The following PCDH9 variants were observed in gnomAD, a reference collection of about 807,000 sequenced individuals.
PCDH9 encodes protocadherin-9.
PCDH9 carries 24 observed loss-of-function variants against 70.6 expected under a neutral mutation model. The observed-to-expected ratio is 0.34, with a 90% confidence interval of 0.25 to 0.48. PCDH9 has a LOEUF of 0.48. Among genes scored for constraint, PCDH9 ranks in the 20% least tolerant of loss-of-function variants. The pLI is 0.99. For synonymous variants in PCDH9, 562 were observed against 558.5 expected, an observed-to-expected ratio of 1.01 and a Z score of -0.09; for missense variants, 1,281 against 1,503.6, an observed-to-expected ratio of 0.85 and a Z score of 2.45.
chr13:66,790,785 C>T (rs1330783198), intron 3 of PCDH9, among the ~76,000 whole-genome samples: 1 of 151,858 alleles, frequency 6.6e-6, no homozygotes, highest in Non-Finnish European at 1.5e-5. Flanking sequence ...GTTGGAAATC[C>T]TTAGCCATAT....
intron 4 of PCDH9, among the ~76,000 whole-genome samples, chr13:66,549,137 TTAATG>T (rs1403770741): frequency 6.6e-6 from 1 of 152,086 alleles, no homozygotes; most frequent in Non-Finnish European, 1.5e-5. Flanking sequence ...ATATATGTAT[TTAATG>T]TATATACGTA....
chr13:66,631,352 A>G lies in PCDH9; in HGVS notation c.3198T>C (p.Ser1066=). 1 of 1,611,926 alleles carries G rather than the reference A, an allele frequency of 6.2e-7. No individual in the cohort carries two copies. Among genetic ancestry groups the G allele is most frequent in the Non-Finnish European group, 8.5e-7 (1 of 1,177,998 alleles). Residue 1066 remains serine (S), a synonymous_variant, in exon 4 of 5, where the codon AGT becomes AGC. Coordinates refer to ENST00000377865, the MANE Select transcript of PCDH9 (RefSeq NM_203487.3). ...CCACCGGCTCATGGTCTCCTAGACC[A>G]CTGTCACTGCAGCTTTCCTGGGAGC... is the stretch of plus-strand genomic sequence containing the variant. ...PDGSQESCSD[S]GLGDHEPVGS...
At chr13:66,984,905 G>A (rs146170190) in intron 2 of PCDH9, among the ~76,000 whole-genome samples, 3 of 151,348 alleles carry the variant, frequency 2.0e-5, no homozygotes, top group East Asian at 1.9e-4. Context: ...GTTTATATGT[G>A]TGGACCCCCC....
chr13:66,603,003 G>C (rs2077181333), intron 4 of PCDH9, among the ~76,000 whole-genome samples: 2 of 145,828 alleles, frequency 1.4e-5, no homozygotes, highest in African/African-American at 4.9e-5. Flanking sequence ...GGAGTGTGTA[G>C]GCGATACCAT....
At chr13:66,601,420 G>T (rs1285980888) in intron 4 of PCDH9, among the ~76,000 whole-genome samples, 1 of 145,894 alleles carries the variant, frequency 6.9e-6, no homozygotes, top group Non-Finnish European at 1.5e-5. Context: ...CAATTAGTTT[G>T]TTAGTTAATT....
chr13:66,738,282 C>G (rs2079190942), intron 3 of PCDH9, among the ~76,000 whole-genome samples: 1 of 151,470 alleles, frequency 6.6e-6, no homozygotes, highest in Admixed American at 6.6e-5. Flanking sequence ...GCTGAGGGTG[C>G]TGTCTGTTAG....
At chr13:66,877,334 T>C (rs1306064986) in intron 3 of PCDH9, among the ~76,000 whole-genome samples, 3 of 151,094 alleles carry the variant, frequency 2.0e-5, no homozygotes, top group East Asian at 1.9e-4. Context: ...TTAAAATATA[T>C]ATATAATGTG....
At chr13:66,432,443 G>T (rs1957788783) in intron 4 of PCDH9, among the ~76,000 whole-genome samples, 1 of 151,930 alleles carries the variant, frequency 6.6e-6, no homozygotes, top group Admixed American at 6.6e-5. Flanking sequence ...CAACATGCCT[G>T]ATAGCCTTGA....
intron 4 of PCDH9, among the ~76,000 whole-genome samples, chr13:66,410,599 C>T (rs1043814888): frequency 1.3e-5 from 2 of 152,144 alleles, no homozygotes; most frequent in Admixed American, 1.3e-4. Context: ...TGCAGTCTTA[C>T]CTAAATCTCT....
intron 3 of PCDH9, among the ~76,000 whole-genome samples, chr13:66,708,295 C>T (rs986302991): frequency 1.5e-4 from 23 of 151,874 alleles, no homozygotes; most frequent in African/African-American, 4.8e-4. Context: ...GTGATCCGCC[C>T]GCCTCGGCCT....
chr13:66,830,110 A>C (rs2080899778), intron 3 of PCDH9, among the ~76,000 whole-genome samples: 1 of 152,218 alleles, frequency 6.6e-6, no homozygotes, highest in African/African-American at 2.4e-5. Flanking sequence ...AATATGCAAC[A>C]TGAACTTCGA....
intron 3 of PCDH9, among the ~76,000 whole-genome samples, chr13:66,762,141 T>C (rs1190410891): frequency 6.6e-6 from 1 of 151,992 alleles, no homozygotes; most frequent in African/African-American, 2.4e-5. Flanking sequence ...AGAACCACCA[T>C]GGTTGGTGCA....
chr13:66,881,833 T>G (rs1479620290), intron 3 of PCDH9, among the ~76,000 whole-genome samples: 1 of 152,128 alleles, frequency 6.6e-6, no homozygotes, highest in Non-Finnish European at 1.5e-5. Flanking sequence ...TATATGGAAT[T>G]TGGGGAAGGA....
intron 2 of PCDH9, among the ~76,000 whole-genome samples, chr13:67,027,340 GC>G (rs2084805138): frequency 1.3e-5 from 2 of 152,162 alleles, no homozygotes; most frequent in African/African-American, 4.8e-5. Context: ...AATAAATGGT[GC>G]CCATGGGAAA....
At chr13:66,593,756 G>C (rs1264080288) in intron 4 of PCDH9, among the ~76,000 whole-genome samples, 2 of 151,582 alleles carry the variant, frequency 1.3e-5, no homozygotes, top group Non-Finnish European at 3.0e-5. Context: ...GTTTGTATTT[G>C]AAAACCAAAG....
At chr13:66,994,365 C>T (rs2084065527) in intron 2 of PCDH9, among the ~76,000 whole-genome samples, 1 of 152,190 alleles carries the variant, frequency 6.6e-6, no homozygotes, top group Non-Finnish European at 1.5e-5. Flanking sequence ...CCCCTCACCC[C>T]GCCATTCGGT....
At chr13:67,033,793 C>T (rs1197220194) in intron 2 of PCDH9, among the ~76,000 whole-genome samples, 1 of 152,018 alleles carries the variant, frequency 6.6e-6, no homozygotes, top group African/African-American at 2.4e-5. Flanking sequence ...GAAATCATCC[C>T]GAGACTATCT....
At chr13:66,984,935 C>T (rs1004639294) in intron 2 of PCDH9, among the ~76,000 whole-genome samples, 5 of 152,010 alleles carry the variant, frequency 3.3e-5, no homozygotes, top group Non-Finnish European at 5.9e-5. Context: ...TCCCTGTTCC[C>T]ATTGCATTGG....
intron 2 of PCDH9, among the ~76,000 whole-genome samples, chr13:67,042,206 T>C (rs2085133239): frequency 6.6e-6 from 1 of 152,158 alleles, no homozygotes; most frequent in South Asian, 2.1e-4. Flanking sequence ...GGATTGTGTG[T>C]ATGTGTGTGT....
Sources: allele counts gnomAD v4.1 joint callset (sites outside exome capture counted in the v4.1 genomes callset), GRCh38; gene constraint gnomAD v4.1.1; transcripts MANE v1.5; gene names NCBI Gene and HGNC (gene_info 2026-07-23, HGNC 2026-07-21).